DOCK7: variants seen among roughly 807,000 people sequenced by gnomAD.
The protein encoded by DOCK7 is dedicator of cytokinesis protein 7.
DOCK7 carries 138 observed loss-of-function variants against 271.0 expected under a neutral mutation model. That is an observed-to-expected ratio of 0.51 (90% confidence interval 0.44 to 0.59). The LOEUF (loss-of-function observed/expected upper bound fraction) is 0.59. DOCK7 is among the 20% of genes least tolerant of loss of function. DOCK7 has a pLI of 0.00. For missense variants in DOCK7, 2,066 were observed against 2,592.4 expected (o/e 0.80, Z 4.41); for synonymous variants, 823 against 876.1 (o/e 0.94, Z 1.07).
chr1:62,533,407 G>GT (rs1645238642), intron 29 of DOCK7, among the ~76,000 whole-genome samples: 1 of 148,706 alleles, frequency 6.7e-6, no homozygotes, highest in Non-Finnish European at 1.5e-5. Context: ...TTTTTAGAGT[G>GT]TTTTTTCCCC....
At chr1:62,638,862 T>TCC (rs2149650585) in intron 7 of DOCK7, among the ~76,000 whole-genome samples, 1 of 151,900 alleles carries the variant, frequency 6.6e-6, no homozygotes. Context: ...ATAAAAAACG[T>TCC]CCACTGTTAT....
intron 28 of DOCK7, among the ~76,000 whole-genome samples, chr1:62,537,005 A>G (rs1296656306): frequency 6.6e-6 from 1 of 152,100 alleles, no homozygotes; most frequent in Non-Finnish European, 1.5e-5. Flanking sequence ...AAACCCATCA[A>G]TTTTCATCTG....
At chr1:62,564,103 C>A (rs191011158) in intron 18 of DOCK7, among the ~76,000 whole-genome samples, 8 of 152,174 alleles carry the variant, frequency 5.3e-5, no homozygotes, top group African/African-American at 1.9e-4. Context: ...GACACTTAGA[C>A]TCCCACACAA....
At chr1:62,534,703 T>TTAA (rs1645285635) in intron 29 of DOCK7, among the ~76,000 whole-genome samples, 1 of 152,182 alleles carries the variant, frequency 6.6e-6, no homozygotes, top group South Asian at 2.1e-4. Context: ...CAAACATCCT[T>TTAA]TAATAATGTA....
At chr1:62,637,474 G>A (rs1404213698) in intron 7 of DOCK7, among the ~76,000 whole-genome samples, 1 of 152,158 alleles carries the variant, frequency 6.6e-6, no homozygotes. Context: ...AACTACAGGA[G>A]TATTACTGTC....
At chr1:62,587,299 T>TAAAAAAA in intron 14 of DOCK7, among the ~76,000 whole-genome samples, 687 of 41,564 alleles carry the variant, frequency 0.017, no homozygotes, top group East Asian at 0.028. Flanking sequence ...ACCAAATAGC[T>TAAAAAAA]AAAAAAAAAA....
intron 37 of DOCK7, among the ~76,000 whole-genome samples, chr1:62,502,383 T>C (rs1646808360): frequency 6.6e-6 from 1 of 152,184 alleles, no homozygotes; most frequent in Non-Finnish European, 1.5e-5. Context: ...TCCAGTTTTA[T>C]AAGCCCAATT....
rs559069255 is a variant in DOCK7 at position 62,528,888 on chromosome 1, C to T, written c.3781+389G>A. Among the ~76,000 whole-genome samples, 25 of 152,242 alleles carry T rather than the reference C, an allele frequency of 1.6e-4. No homozygotes were observed. The South Asian group carries it at 4.8e-3, about 29-fold the overall frequency. ...TTATTAACCTGGTGTTAGCAATAAA[C>T]ACAATTCCTGATATTCAAGTGAATA... On this transcript the variant is annotated intron_variant, in intron 30 of 49. Coordinates refer to ENST00000635253, the MANE Select transcript of DOCK7 (RefSeq NM_001367561.1).
At chr1:62,546,767 C>T (rs1645723207) in intron 22 of DOCK7, among the ~76,000 whole-genome samples, 1 of 152,150 alleles carries the variant, frequency 6.6e-6, no homozygotes, top group South Asian at 2.1e-4. Flanking sequence ...TATCTGCCTT[C>T]TCAGAATCCC....
At chr1:62,513,034 G>T (rs538730962) in intron 33 of DOCK7, among the ~76,000 whole-genome samples, 1 of 151,942 alleles carries the variant, frequency 6.6e-6, no homozygotes, top group Non-Finnish European at 1.5e-5. Flanking sequence ...CTCTGATGGG[G>T]GATGTTAATA....
chr1:62,524,957 T>TATATATATATATATATATATATATATATA (rs1557666274), intron 31 of DOCK7, among the ~76,000 whole-genome samples: 7 of 82,656 alleles, frequency 8.5e-5, no homozygotes, highest in Non-Finnish European at 1.2e-4. Flanking sequence ...ATATATATAT[T>TATATATATATATATATATATATATATATA]ACTATAAACT....
At chr1:62,558,273 A>G (rs1334314479) in intron 20 of DOCK7, among the ~76,000 whole-genome samples, 1 of 152,078 alleles carries the variant, frequency 6.6e-6, no homozygotes, top group Non-Finnish European at 1.5e-5. Context: ...ACTCCTATTC[A>G]TCTTTAAATA....
intron 11 of DOCK7, among the ~76,000 whole-genome samples, chr1:62,627,308 C>T (rs1314006778): frequency 6.6e-6 from 1 of 152,114 alleles, no homozygotes; most frequent in East Asian, 1.9e-4. Context: ...ATTGCATTTT[C>T]CCTAAAGTCA....
At chr1:62,546,746 TTAAAA>T (rs1408580561) in intron 22 of DOCK7, among the ~76,000 whole-genome samples, 6 of 152,110 alleles carry the variant, frequency 3.9e-5, no homozygotes, top group African/African-American at 1.2e-4. Flanking sequence ...TCAGATTTGT[TTAAAA>T]TAAAATATCT....
chr1:62,684,235 A>G (rs2149784285), intron 1 of DOCK7, among the ~76,000 whole-genome samples: 1 of 152,150 alleles, frequency 6.6e-6, no homozygotes, highest in South Asian at 2.1e-4. Context: ...AAAATCTGAA[A>G]TCAGAGAACT....
At position 62,678,229 on chromosome 1, in the gene DOCK7, C is replaced by G. The variant is rs184106205; in HGVS notation, c.38+9998G>C. Among the ~76,000 whole-genome samples the G allele has an allele frequency of 2.7e-3, 414 of 152,066 alleles. 1 individual carries two copies. Among genetic ancestry groups the G allele is most frequent in the Middle Eastern group, 6.8e-3 (2 of 294 alleles). Reference sequence around the variant, plus strand: ...AATGGTATCAATCTACACAGTAATACAAAATAATAGTCTACAGAGCAAGAT... The same window carrying G: ...AATGGTATCAATCTACACAGTAATAGAAAATAATAGTCTACAGAGCAAGAT... On this transcript the variant is annotated intron_variant, in intron 1 of 49. Transcript: ENST00000635253.
chr1:62,455,293 T>C lies in DOCK7; in HGVS notation c.*121A>G, dbSNP rs748011581. 1 of 1,060,686 alleles carries C rather than the reference T, an allele frequency of 9.4e-7. No homozygotes were observed. Among genetic ancestry groups the C allele is most frequent in the Non-Finnish European group, 1.4e-6 (1 of 700,950 alleles). The allele number at this position is 1,060,686 out of a possible 1,614,324, so 65.7% of individuals were successfully genotyped here. ...CTACATTTGATATTTTCTTGGCCAC[T>C]GCATTCTTCAATGAATAATAATTTC... On this transcript the variant is annotated 3_prime_UTR_variant, in exon 50 of 50. Coordinates refer to ENST00000635253, the MANE Select transcript of DOCK7 (RefSeq NM_001367561.1).
At chr1:62,532,273 G>A (rs1196747099) in intron 29 of DOCK7, among the ~76,000 whole-genome samples, 1 of 152,116 alleles carries the variant, frequency 6.6e-6, no homozygotes, top group Non-Finnish European at 1.5e-5. Flanking sequence ...GACCTCAAGT[G>A]ATCCACCCAT....
At position 62,688,311 on chromosome 1, in the gene DOCK7, G is replaced by T; in HGVS notation, c.-47C>A. On this transcript the variant is annotated 5_prime_UTR_variant, in exon 1 of 50. Transcript: ENST00000635253. ...GGCGGCGGCGGCTGCGGCGGGCCGG[G>T]TGCGGACCGGCGGGCGCGTGCCTCC... 1 of 1,175,576 alleles carries T rather than the reference G, an allele frequency of 8.5e-7. No homozygotes were observed. The highest frequency in any genetic ancestry group is 1.1e-6 in the Non-Finnish European group (1 of 944,126). The allele number at this position is 1,175,576 out of a possible 1,614,324, so 72.8% of individuals were successfully genotyped here.
Sources: allele counts gnomAD v4.1 joint callset (sites outside exome capture counted in the v4.1 genomes callset), GRCh38; gene constraint gnomAD v4.1.1; transcripts MANE v1.5; gene names NCBI Gene and HGNC (gene_info 2026-07-23, HGNC 2026-07-21).